ATP2A3: variants seen among roughly 807,000 people sequenced by gnomAD.
ATP2A3 encodes the protein ATPase sarcoplasmic/endoplasmic reticulum Ca2+ transporting 3, also known as sarcoplasmic/endoplasmic reticulum calcium ATPase 3.
A neutral mutation model predicts 106.8 loss-of-function variants in ATP2A3; 61 were observed. The ratio of observed to expected loss-of-function variants is 0.57; its 90% CI spans 0.46 to 0.71. The LOEUF (loss-of-function observed/expected upper bound fraction) is 0.71. Ranked by LOEUF, ATP2A3 falls within the 30% of genes least tolerant of loss-of-function variation. The pLI, the probability that ATP2A3 is intolerant of heterozygous loss-of-function variation, is 0.00. For missense variants in ATP2A3, 1,201 were observed against 1,423.5 expected, an observed-to-expected ratio of 0.84 and a Z score of 2.52; for synonymous variants, 611 against 609.3, an observed-to-expected ratio of 1.00 and a Z score of -0.04.
intron 14 of ATP2A3, among the ~76,000 whole-genome samples, chr17:3,940,318 T>C (rs1343618620): frequency 6.6e-6 from 1 of 152,142 alleles, no homozygotes; most frequent in Non-Finnish European, 1.5e-5. Flanking sequence ...GGTTAACATG[T>C]ATTCTAAAGT....
chr17:3,951,731 A>T, intron 3 of ATP2A3, 46 bp from the exon 4 acceptor site: 1 of 1,546,632 alleles, frequency 6.5e-7, no homozygotes. Flanking sequence ...GCGGGCCGAG[A>T]TCTGCTCTCC....
rs41283381 is a variant in ATP2A3 at position 3,928,001 on chromosome 17, A to G, written c.2980+662T>C. The G allele has an allele frequency of 1.2e-4, 188 of 1,614,034 alleles. No homozygotes were observed. The highest frequency in any genetic ancestry group is 1.5e-4 in the Non-Finnish European group (178 of 1,180,028). On this transcript the variant is annotated intron_variant, in intron 20 of 20. Coordinates refer to ENST00000397041, the MANE Select transcript of ATP2A3 (RefSeq NM_005173.4). The surrounding 1 kb of genome is among the most constrained non-coding windows in gnomAD (Gnocchi z 6.1). ...CTCACCCCTGCTTCCTCCCTCTCTG[A>G]GCAGCTCTGACAGCGAGACGATGCT...
At position 3,939,965 on chromosome 17, in the gene ATP2A3, C is replaced by T. The variant is rs1425234498; in HGVS notation, c.2100+1006G>A. Among the ~76,000 whole-genome samples the T allele has an allele frequency of 6.2e-5, 9 of 145,538 alleles. No individual in the cohort carries two copies. The South Asian group carries it at 8.5e-4, about 14-fold the overall frequency. On this transcript the variant is annotated intron_variant, in intron 14 of 20. Coordinates refer to ENST00000397041, the MANE Select transcript of ATP2A3 (RefSeq NM_005173.4). ...CCGAAAACAGTGATCGCCTGTTTTG[C>T]GACGAAGGACAGAGATGGGGAAGGC...
chr17:3,945,363 C>G (rs1018320195), intron 8 of ATP2A3: 1 of 492,472 alleles, frequency 2.0e-6, no homozygotes, highest in African/African-American at 2.0e-5. Flanking sequence ...CCGGTTTGTC[C>G]CAATGTCCTG....
chr17:3,964,400 GC>G lies in ATP2A3; in HGVS notation c.-110del. On this transcript the variant is annotated 5_prime_UTR_variant, in exon 1 of 21. It removes the in-frame stop codon of an upstream open reading frame in the 5' UTR. Coordinates refer to ENST00000397041, the MANE Select transcript of ATP2A3 (RefSeq NM_005173.4). ...CGGGCCCGGGCGGGCGCCGCGCGAG[GC>G]CATGTCCGTGCTGGGACCTTACCCG... 1 of 518,646 alleles carries G rather than the reference GC, an allele frequency of 1.9e-6. No homozygotes were observed. The highest frequency in any genetic ancestry group is 2.6e-6 in the Non-Finnish European group (1 of 388,192). 32.1% of individuals were successfully genotyped at this position (518,646 alleles called of 1,614,324 possible). A position where few individuals can be genotyped will look rare whatever the true frequency, so the allele number is the denominator to read the frequency against.
chr17:3,944,207 A>G (rs890062133), intron 10 of ATP2A3, among the ~76,000 whole-genome samples: 1 of 152,174 alleles, frequency 6.6e-6, no homozygotes, highest in African/African-American at 2.4e-5. Flanking sequence ...GTAAATGCAC[A>G]TCTGACTATG....
chr17:3,948,630 G>T (rs546072086), intron 7 of ATP2A3, among the ~76,000 whole-genome samples: 70 of 152,188 alleles, frequency 4.6e-4, no homozygotes, highest in African/African-American at 1.7e-3. Flanking sequence ...TGTTGCTCAG[G>T]CTGGTCTCAA....
intron 15 of ATP2A3, 33 bp downstream of exon 15, chr17:3,937,383 A>C: frequency 1.3e-6 from 2 of 1,598,746 alleles, no homozygotes; most frequent in Non-Finnish European, 1.7e-6. Context: ...GAGCGGATTG[A>C]GAGGGCTGAG....
In ATP2A3 at chr17:3,925,346, G is replaced by A. The variant is rs755944887; in HGVS notation, c.*76C>T. 4 of 1,612,540 alleles carry A rather than the reference G, an allele frequency of 2.5e-6. No homozygotes were observed. Among genetic ancestry groups the A allele is most frequent in the African/African-American group, 1.3e-5 (1 of 74,906 alleles). ...GCAAGTGGGCGAGTGTGGTGGCAAG[G>A]GTGGGGGGCGGAGGCGAACACATGG... On this transcript the variant is annotated 3_prime_UTR_variant, in exon 21 of 21. Coordinates refer to ENST00000397041, the MANE Select transcript of ATP2A3 (RefSeq NM_005173.4). The surrounding 1 kb of genome is among the most constrained non-coding windows in gnomAD (Gnocchi z 4.2).
intron 1 of ATP2A3, among the ~76,000 whole-genome samples, chr17:3,954,654 G>A (rs1032365408): frequency 2.0e-5 from 3 of 151,874 alleles, no homozygotes; most frequent in African/African-American, 4.8e-5. Flanking sequence ...GCGGCACCAC[G>A]CCCGGCTGAT....
intron 1 of ATP2A3, among the ~76,000 whole-genome samples, chr17:3,956,658 C>T (rs2054799566): frequency 6.6e-6 from 1 of 152,230 alleles, no homozygotes; most frequent in South Asian, 2.1e-4. Context: ...ACCTGGGTCA[C>T]AGAATGAGGA....
At position 3,935,224 on chromosome 17, in the gene ATP2A3, C is replaced by T. The variant is rs762908744; in HGVS notation, c.2578G>A (p.Ala860Thr). The T allele has an allele frequency of 6.3e-5, 102 of 1,613,960 alleles. No homozygotes were observed. Among genetic ancestry groups the T allele is most frequent in the South Asian group, 8.8e-5 (8 of 91,086 alleles). Residue 860 changes from alanine (A) to threonine (T), a missense_variant, in exon 17 of 21, where the codon GCC (alanine) becomes ACC (threonine). Ala to Thr is a moderately conservative substitution (Grantham distance 58). This residue lies in a region of ATP2A3 where 935 missense variants were observed against 1,176.7 expected (regional missense o/e 0.79). Coordinates refer to ENST00000397041, the MANE Select transcript of ATP2A3 (RefSeq NM_005173.4). ...AAATWWFVYDAEGPHINFYQL... is the reference protein window; with the variant it reads ...AAATWWFVYDTEGPHINFYQL... ...TAGAAGTTGATGTGAGGTCCCTCGGCGTCATACACAAACCACCAGGTGGCG... is the reference window on the plus strand; with the variant it reads ...TAGAAGTTGATGTGAGGTCCCTCGGTGTCATACACAAACCACCAGGTGGCG...
chr17:3,926,780 G>C lies in ATP2A3; in HGVS notation c.2981-1339C>G. 1 of 843,814 alleles carries C rather than the reference G, an allele frequency of 1.2e-6. No homozygotes were observed. Among genetic ancestry groups the C allele is most frequent in the Non-Finnish European group, 1.4e-6 (1 of 700,724 alleles). The allele number at this position is 843,814 out of a possible 1,614,324, so 52.3% of individuals were successfully genotyped here. On this transcript the variant is annotated intron_variant, in intron 20 of 20. Coordinates refer to ENST00000397041, the MANE Select transcript of ATP2A3 (RefSeq NM_005173.4). The surrounding 1 kb of genome is among the most constrained non-coding windows in gnomAD (Gnocchi z 4.6). ...AGATGGGGTTTCACCATGTTGGCCA[G>C]GCTGGTCTCTAACTCCTGACTCAGG... is the stretch of plus-strand genomic sequence containing the variant.
intron 14 of ATP2A3, among the ~76,000 whole-genome samples, chr17:3,940,041 T>C (rs1409152784): frequency 3.2e-5 from 3 of 92,570 alleles, no homozygotes; most frequent in Non-Finnish European, 6.5e-5. Flanking sequence ...CTTTTTTTTT[T>C]TGTTTTTTGT....
chr17:3,960,384 C>G (rs939245023), intron 1 of ATP2A3, among the ~76,000 whole-genome samples: 2 of 152,270 alleles, frequency 1.3e-5, no homozygotes, highest in African/African-American at 2.4e-5. Flanking sequence ...CCTGGCAGCC[C>G]TGGGGCCAAG....
At chr17:3,940,746 G>C (rs985276242) in intron 14 of ATP2A3, among the ~76,000 whole-genome samples, 1 of 152,050 alleles carries the variant, frequency 6.6e-6, no homozygotes, top group African/African-American at 2.4e-5. Context: ...GACCTCAACT[G>C]ATCCGCCCGC....
Position 3,928,575 on chromosome 17 carries a change from G to T in ATP2A3, c.2980+88C>A. ...CCCGATGTGCAGACAGAGAGGCTCTGCGCTCCACACCCACAGCGTCCACTG... is the reference window on the plus strand; with the variant it reads ...CCCGATGTGCAGACAGAGAGGCTCTTCGCTCCACACCCACAGCGTCCACTG... On this transcript the variant is annotated intron_variant, in intron 20 of 20. Coordinates refer to ENST00000397041, the MANE Select transcript of ATP2A3 (RefSeq NM_005173.4). This position sits in a 1 kb window ranked among gnomAD's most constrained non-coding sequence, Gnocchi z 6.1. 8.1e-7 allele frequency: 1 copy of T among 1,231,898 alleles called. No homozygotes were observed. The highest frequency in any genetic ancestry group is 1.2e-6 in the Non-Finnish European group (1 of 858,514). 76.3% of individuals were successfully genotyped at this position (1,231,898 alleles called of 1,614,324 possible).
rs1340966636 is a variant in ATP2A3, at chr17:3,964,305, C to A, written c.-14G>T. The A allele has an allele frequency of 8.2e-7, 1 of 1,226,234 alleles. No homozygotes were observed. The highest frequency in any genetic ancestry group is 1.0e-6 in the Non-Finnish European group (1 of 969,362). 76.0% of individuals were successfully genotyped at this position (1,226,234 alleles called of 1,614,324 possible). A position where few individuals can be genotyped will look rare whatever the true frequency, so the allele number is the denominator to read the frequency against. On this transcript the variant is annotated 5_prime_UTR_variant, in exon 1 of 21. Transcript: ENST00000397041. Reference sequence around the variant, plus strand: ...CGCCGCCTCCATGCCGCCCGCCCGGCCGTCTGCGCCGTCCGCACCGTCGAG... The same window carrying A: ...CGCCGCCTCCATGCCGCCCGCCCGGACGTCTGCGCCGTCCGCACCGTCGAG...
chr17:3,949,426 G>A (rs2054293856), intron 7 of ATP2A3, among the ~76,000 whole-genome samples: 1 of 152,168 alleles, frequency 6.6e-6, no homozygotes, highest in Non-Finnish European at 1.5e-5. Context: ...ATGCCTTGTG[G>A]GTCAGTTTTC....
Sources: allele counts gnomAD v4.1 joint callset (sites outside exome capture counted in the v4.1 genomes callset), GRCh38; gene constraint gnomAD v4.1.1; regional missense constraint gnomAD v4.1.1; non-coding constraint Gnocchi (gnomAD v3.1); transcripts MANE v1.5; gene names NCBI Gene and HGNC (gene_info 2026-07-23, HGNC 2026-07-21).